The following ANTXR2 variants were observed in gnomAD, a reference collection of about 807,000 sequenced individuals.
ANTXR2 encodes anthrax toxin receptor 2.
In ANTXR2, 44 loss-of-function variants were observed where a neutral mutation model predicts 73.7. The observed-to-expected ratio is 0.60, with a 90% CI of 0.47 to 0.77. The LOEUF (loss-of-function observed/expected upper bound fraction) is 0.77, where lower values mean the gene tolerates loss of function less well. Ranked by LOEUF, ANTXR2 falls within the 30% of genes least tolerant of loss-of-function variation. ANTXR2 has a pLI of 0.00. For synonymous variants in ANTXR2, 217 were observed against 205.9 expected (o/e 1.05, Z -0.46); for missense variants, 604 against 592.5 (o/e 1.02, Z -0.20).
chr4:80,034,557 G>T (rs1732866512), intron 8 of ANTXR2, among the ~76,000 whole-genome samples: 1 of 152,126 alleles, frequency 6.6e-6, no homozygotes, highest in Non-Finnish European at 1.5e-5. Flanking sequence ...GGTCTATCCT[G>T]TGGAAAGTCC....
chr4:79,936,148 T>C (rs1728249011), intron 16 of ANTXR2, among the ~76,000 whole-genome samples: 1 of 152,244 alleles, frequency 6.6e-6, no homozygotes, highest in Non-Finnish European at 1.5e-5. Flanking sequence ...TTACTACACA[T>C]TATTTTTACT....
chr4:79,971,850 T>C lies in ANTXR2; in HGVS notation c.1428+5771A>G, dbSNP rs1171922768. Among the ~76,000 whole-genome samples, 5 of 22,934 alleles carry C rather than the reference T, an allele frequency of 2.2e-4. 1 individual carries two copies. Among genetic ancestry groups the C allele is most frequent in the African/African-American group, 8.5e-4 (5 of 5,896 alleles). 15.0% of individuals were successfully genotyped at this position (22,934 alleles called of 152,430 possible). A position where few individuals can be genotyped will look rare whatever the true frequency, so the allele number is the denominator to read the frequency against. On this transcript the variant is annotated intron_variant, in intron 16 of 16. Coordinates refer to ENST00000403729, the MANE Select transcript of ANTXR2 (RefSeq NM_058172.6). ...AACCTAGGCATTACCATTCAGGACA[T>C]AGGCGTGGGCAAGGACTTCATGTCC...
chr4:79,913,169 C>T (rs1727213040), intron 16 of ANTXR2, among the ~76,000 whole-genome samples: 1 of 152,132 alleles, frequency 6.6e-6, no homozygotes, highest in Non-Finnish European at 1.5e-5. Context: ...AGCTTTTCAG[C>T]ACTGAATGTG....
chr4:79,958,316 T>C (rs1729001543), intron 16 of ANTXR2, among the ~76,000 whole-genome samples: 1 of 152,158 alleles, frequency 6.6e-6, no homozygotes, highest in Non-Finnish European at 1.5e-5. Context: ...AAGGAAATAT[T>C]TGAAATATGT....
chr4:80,005,508 T>C (rs544712741), intron 12 of ANTXR2, among the ~76,000 whole-genome samples: 1 of 152,194 alleles, frequency 6.6e-6, no homozygotes, highest in South Asian at 2.1e-4. Context: ...ATATATAACC[T>C]AAAAGAAACA....
At chr4:79,919,865 TTATATATATATATATATA>T (rs869257072) in intron 16 of ANTXR2, among the ~76,000 whole-genome samples, 14 of 17,852 alleles carry the variant, frequency 7.8e-4, no homozygotes, top group South Asian at 2.0e-3. Flanking sequence ...AATACATATT[TTATATATATATATATATA>T]TATATATATA....
At chr4:79,924,270 T>C (rs1183271278) in intron 16 of ANTXR2, among the ~76,000 whole-genome samples, 4 of 152,160 alleles carry the variant, frequency 2.6e-5, no homozygotes, top group African/African-American at 4.8e-5. Context: ...GTTTAAATAC[T>C]GGGTACTTCA....
intron 16 of ANTXR2, among the ~76,000 whole-genome samples, chr4:79,935,879 T>C (rs970615803): frequency 2.0e-5 from 3 of 152,230 alleles, no homozygotes; most frequent in Non-Finnish European, 4.4e-5. Context: ...TAAATTTCTA[T>C]TGTGGTCCAG....
At chr4:80,007,631 T>C (rs1731370348) in intron 12 of ANTXR2, among the ~76,000 whole-genome samples, 2 of 152,140 alleles carry the variant, frequency 1.3e-5, no homozygotes, top group South Asian at 4.1e-4. Flanking sequence ...GGAGGACCTT[T>C]CCCAGCTGGG....
chr4:80,004,629 C>T (rs542683090), intron 12 of ANTXR2, among the ~76,000 whole-genome samples: 2 of 152,190 alleles, frequency 1.3e-5, no homozygotes, highest in African/African-American at 4.8e-5. Context: ...TCTAATCTCC[C>T]TCTGTCTCCC....
chr4:80,027,015 AG>A (rs1732477079), intron 10 of ANTXR2, among the ~76,000 whole-genome samples: 1 of 152,174 alleles, frequency 6.6e-6, no homozygotes, highest in Admixed American at 6.6e-5. Context: ...CCACCAAGGA[AG>A]TGTGGGGTAG....
At chr4:80,021,149 CAAAA>C (rs35390197) in intron 10 of ANTXR2, among the ~76,000 whole-genome samples, 3 of 60,640 alleles carry the variant, frequency 4.9e-5, no homozygotes, top group African/African-American at 2.2e-4. Flanking sequence ...GACTCCATCT[CAAAA>C]AAAAAAAAAA....
rs370161518 is a variant in ANTXR2, at chr4:80,040,854, T to C, written c.637-4822A>G. ...GCATCTGTTCACCCAAAAAGTAATA[T>C]TAGTATTAAGGAGTATTTACAAATA... On this transcript the variant is annotated intron_variant, in intron 7 of 16. Coordinates refer to ENST00000403729, the MANE Select transcript of ANTXR2 (RefSeq NM_058172.6). Among the ~76,000 whole-genome samples, 3 of 152,040 alleles carry C rather than the reference T, an allele frequency of 2.0e-5. No homozygotes were observed. The South Asian group carries it at 6.2e-4, about 32-fold the overall frequency.
Position 80,013,334 on chromosome 4 carries a change from G to A in ANTXR2, c.946-4718C>T, listed in dbSNP as rs537743460. 7.2e-5 allele frequency among the ~76,000 whole-genome samples: 11 copies of A among 152,272 alleles called. 1 individual carries two copies. The South Asian group carries it at 2.3e-3, about 32-fold the overall frequency. On this transcript the variant is annotated intron_variant, in intron 11 of 16. Coordinates refer to ENST00000403729, the MANE Select transcript of ANTXR2 (RefSeq NM_058172.6). ...TGTAAGGACCAGTTGTGAGAGACGG[G>A]CAATAAGCACAGCACAAGCCCTGCC...
intron 3 of ANTXR2, among the ~76,000 whole-genome samples, chr4:80,056,528 T>C (rs1489872396): frequency 1.3e-5 from 2 of 151,908 alleles, no homozygotes; most frequent in East Asian, 3.9e-4. Flanking sequence ...TCTCATGATT[T>C]ATTCACTTTT....
At chr4:80,000,545 A>G (rs982667190) in intron 12 of ANTXR2, among the ~76,000 whole-genome samples, 2 of 152,224 alleles carry the variant, frequency 1.3e-5, no homozygotes, top group Non-Finnish European at 2.9e-5. Flanking sequence ...CCTTCATGAA[A>G]TTATTAGTCT....
chr4:79,921,796 G>A (rs1015538926), intron 16 of ANTXR2, among the ~76,000 whole-genome samples: 3 of 151,936 alleles, frequency 2.0e-5, no homozygotes, highest in African/African-American at 7.2e-5. Flanking sequence ...CAAGTGTTTA[G>A]TGAACACATT....
chr4:80,062,150 C>T (rs981318656), intron 3 of ANTXR2, among the ~76,000 whole-genome samples: 6 of 152,170 alleles, frequency 3.9e-5, no homozygotes, highest in African/African-American at 1.4e-4. Context: ...TAGGCCAAGG[C>T]TTCTGTGGTC....
At chr4:80,013,524 G>T (rs1357824300) in intron 11 of ANTXR2, among the ~76,000 whole-genome samples, 1 of 152,182 alleles carries the variant, frequency 6.6e-6, no homozygotes, top group Non-Finnish European at 1.5e-5. Flanking sequence ...TACAATAATA[G>T]TGTTCTACTT....
Sources: allele counts gnomAD v4.1 joint callset (sites outside exome capture counted in the v4.1 genomes callset), GRCh38; gene constraint gnomAD v4.1.1; transcripts MANE v1.5; gene names NCBI Gene and HGNC (gene_info 2026-07-23, HGNC 2026-07-21).